FRMPD1: variants seen among roughly 807,000 people sequenced by gnomAD.
FRMPD1 encodes the protein FERM and PDZ domain-containing protein 1.
In FRMPD1, 76 loss-of-function variants were observed where a neutral mutation model predicts 117.8. The ratio of observed to expected loss-of-function variants is 0.65; its 90% CI spans 0.54 to 0.78. The LOEUF is 0.78. Ranked by LOEUF, FRMPD1 falls within the 30% of genes least tolerant of loss-of-function variation. The pLI, the probability that FRMPD1 is intolerant of heterozygous loss-of-function variation, is 0.00. For synonymous variants in FRMPD1, 783 were observed against 770.4 expected (o/e 1.02, Z -0.27); for missense variants, 1,786 against 1,964.5 (o/e 0.91, Z 1.72).
chr9:37,726,976 G>C (rs925905200), intron 7 of FRMPD1, among the ~76,000 whole-genome samples: 1 of 152,152 alleles, frequency 6.6e-6, no homozygotes, highest in Non-Finnish European at 1.5e-5. Flanking sequence ...ATTGGCTTTT[G>C]ACTGGAGTGG....
intron 1 of FRMPD1, among the ~76,000 whole-genome samples, chr9:37,685,725 C>A (rs1456346209): frequency 6.6e-6 from 1 of 152,162 alleles, no homozygotes; most frequent in African/African-American, 2.4e-5. Context: ...TCTCCGCTAG[C>A]CCTATTATTT....
At position 37,746,599 on chromosome 9, in the gene FRMPD1, A is replaced by G. The variant is rs753165238; in HGVS notation, c.4567A>G (p.Asn1523Asp). Residue 1523 changes from asparagine to aspartate, a missense_variant, in exon 16 of 16, where the codon AAC (asparagine) becomes GAC (aspartate). Physicochemically the swap from Asn to Asp is conservative, Grantham distance 23 (BLOSUM62 1). Coordinates refer to ENST00000377765, the MANE Select transcript of FRMPD1 (RefSeq NM_014907.3). ...CGCCCGGCACAGGGAGGCAGCGGGG[A>G]ACCTGAGGGATGTGGTGTACACCTA... ...CSARHREAAG[N>D]LRDVVYTYHQ... 1.5e-5 allele frequency: 25 copies of G among 1,613,894 alleles called. No homozygotes were observed. Among genetic ancestry groups the G allele is most frequent in the Middle Eastern group, 3.3e-4 (2 of 6,062 alleles).
At chr9:37,743,942 G>A (rs936645290) in intron 15 of FRMPD1, among the ~76,000 whole-genome samples, 1 of 151,256 alleles carries the variant, frequency 6.6e-6, no homozygotes, top group Non-Finnish European at 1.5e-5. Context: ...GCTCATGCCT[G>A]TAATCCCAGG....
the FRMPD1 span, among the ~76,000 whole-genome samples, chr9:37,618,854 A>T: frequency 6.6e-6 from 1 of 151,812 alleles, no homozygotes; most frequent in Non-Finnish European, 1.5e-5. Flanking sequence ...TCCCTAAAGC[A>T]CTCCATGGCA....
upstream of FRMPD1, among the ~76,000 whole-genome samples, chr9:37,648,363 C>T (rs962502343): frequency 2.6e-5 from 4 of 151,954 alleles, no homozygotes; most frequent in South Asian, 2.1e-4. Context: ...GTAGAGATGG[C>T]GCCACACGGG....
intron 1 of FRMPD1, among the ~76,000 whole-genome samples, chr9:37,659,313 T>C (rs1820928268): frequency 6.6e-6 from 1 of 152,176 alleles, no homozygotes; most frequent in Non-Finnish European, 1.5e-5. Flanking sequence ...ATGTCTTCTG[T>C]CTCCTCCTTC....
chr9:37,612,086 C>A, the FRMPD1 span, among the ~76,000 whole-genome samples: 2 of 152,132 alleles, frequency 1.3e-5, no homozygotes, highest in Non-Finnish European at 2.9e-5. Context: ...ATTTCCTTGA[C>A]CATTTATAGG....
chr9:37,644,619 A>T, the FRMPD1 span, among the ~76,000 whole-genome samples: 1 of 152,170 alleles, frequency 6.6e-6, no homozygotes, highest in African/African-American at 2.4e-5. Flanking sequence ...TCTATAACAC[A>T]GTTCTAATAC....
chr9:37,624,864 T>C, the FRMPD1 span, among the ~76,000 whole-genome samples: 5 of 152,210 alleles, frequency 3.3e-5, no homozygotes, highest in Non-Finnish European at 7.3e-5. Context: ...TAACTTGAAA[T>C]GAATTCTGAA....
chr9:37,651,597 C>A (rs953790308), intron 1 of FRMPD1, among the ~76,000 whole-genome samples: 3 of 152,230 alleles, frequency 2.0e-5, no homozygotes, highest in African/African-American at 7.2e-5. Flanking sequence ...AGGAATGAGC[C>A]ACAGAAGTCA....
chr9:37,715,814 T>C (rs930399095), intron 5 of FRMPD1: 15 of 414,940 alleles, frequency 3.6e-5, no homozygotes, highest in Admixed American at 1.1e-4. Flanking sequence ...CATTTTTTTT[T>C]CCCAAAGCAG....
At chr9:37,621,058 C>T in the FRMPD1 span, among the ~76,000 whole-genome samples, 4 of 151,834 alleles carry the variant, frequency 2.6e-5, no homozygotes, top group Non-Finnish European at 2.9e-5. Context: ...AAATGATAGT[C>T]GAAATTGATG....
At chr9:37,655,840 C>T (rs1170134122) in intron 1 of FRMPD1, among the ~76,000 whole-genome samples, 4 of 152,084 alleles carry the variant, frequency 2.6e-5, no homozygotes, top group Non-Finnish European at 5.9e-5. Context: ...GGTCTCTAGG[C>T]CTTTGCTCCC....
Position 37,746,840 on chromosome 9 carries a change from C to T in FRMPD1, c.*71C>T. 1 of 963,088 alleles carries T rather than the reference C, an allele frequency of 1.0e-6. No homozygotes were observed. The highest frequency in any genetic ancestry group is 1.6e-6 in the Non-Finnish European group (1 of 613,138). 59.7% of individuals were successfully genotyped at this position (963,088 alleles called of 1,614,324 possible). On this transcript the variant is annotated 3_prime_UTR_variant, in exon 16 of 16. Coordinates refer to ENST00000377765, the MANE Select transcript of FRMPD1 (RefSeq NM_014907.3). ...ACTTCCCTGAGAAGCCCCTTCCACT[C>T]TCCCACCCACCCTCTTCAAATGTTT... is the stretch of plus-strand genomic sequence containing the variant.
Position 37,746,403 on chromosome 9 carries a change from A to G in FRMPD1, c.4371A>G (p.Glu1457=). Residue 1457 remains glutamate (E), a synonymous_variant, in exon 16 of 16, where the codon GAA becomes GAG. Coordinates refer to ENST00000377765, the MANE Select transcript of FRMPD1 (RefSeq NM_014907.3). ...AGAAGTGCACCTGGCACTTTACCGA[A>G]AGCCGGAGCCGCCTCTGCATGGGCT... ...PPEKCTWHFT[E]SRSRLCMGSQ... 6.2e-7 allele frequency: 1 copy of G among 1,613,160 alleles called. No individual in the cohort carries two copies. Among genetic ancestry groups the G allele is most frequent in the Non-Finnish European group, 8.5e-7 (1 of 1,179,894 alleles).
the FRMPD1 span, among the ~76,000 whole-genome samples, chr9:37,624,531 T>C: frequency 6.6e-6 from 1 of 152,328 alleles, no homozygotes; most frequent in South Asian, 2.1e-4. Context: ...TGATTCCAAT[T>C]CACACTCTTG....
chr9:37,636,105 C>G, the FRMPD1 span, among the ~76,000 whole-genome samples: 1 of 152,212 alleles, frequency 6.6e-6, no homozygotes, highest in African/African-American at 2.4e-5. Context: ...ATACTCAGAC[C>G]CCACCGCAGC....
chr9:37,631,870 A>T, the FRMPD1 span, among the ~76,000 whole-genome samples: 1 of 152,146 alleles, frequency 6.6e-6, no homozygotes, highest in Admixed American at 6.5e-5. Flanking sequence ...TCTCAAAAGT[A>T]TTGGGATTAT....
rs1823488413 is a variant in FRMPD1 at position 37,723,559 on chromosome 9, G to C, written c.517-666G>C. 2.6e-5 allele frequency among the ~76,000 whole-genome samples: 4 copies of C among 152,214 alleles called. No homozygotes were observed. The South Asian group carries it at 8.3e-4, about 32-fold the overall frequency. On this transcript the variant is annotated intron_variant, in intron 6 of 15. Transcript: ENST00000377765. ...TGTCATACCCAGGGGCAGGAAAGCT[G>C]TGACTGGGATACAACAGGCCAGGCA... is the stretch of plus-strand genomic sequence containing the variant.
Sources: gnomAD v4.1 joint callset for allele counts (sites outside exome capture counted in the v4.1 genomes callset) on GRCh38, gnomAD v4.1.1 for gene constraint, MANE v1.5 for transcripts, NCBI Gene and HGNC (gene_info 2026-07-23, HGNC 2026-07-21) for gene names.